The following RIMS2 variants were observed in gnomAD, a reference collection of about 807,000 sequenced individuals.
RIMS2 encodes regulating synaptic membrane exocytosis 2.
A neutral mutation model predicts 174.4 loss-of-function variants in RIMS2; 59 were observed. The observed-to-expected ratio is 0.34, with a 90% CI of 0.27 to 0.42. The LOEUF (loss-of-function observed/expected upper bound fraction) is 0.42. RIMS2 is among the 10% of genes least tolerant of loss of function. RIMS2 has a pLI of 1.00. For missense variants in RIMS2, 1,620 were observed against 1,666.3 expected (o/e 0.97, Z 0.48); for synonymous variants, 606 against 572.5 (o/e 1.06, Z -0.84).
chr8:103,823,394 C>G (rs1402290994), intron 3 of RIMS2, among the ~76,000 whole-genome samples: 1 of 151,688 alleles, frequency 6.6e-6, no homozygotes, highest in Non-Finnish European at 1.5e-5. Flanking sequence ...CAGTTTATGC[C>G]TGCAGTCATC....
At chr8:103,633,930 AG>A (rs1294113633) in intron 1 of RIMS2, among the ~76,000 whole-genome samples, 1 of 151,988 alleles carries the variant, frequency 6.6e-6, no homozygotes, top group Non-Finnish European at 1.5e-5. Context: ...TTTCTTTATT[AG>A]TCTAGTTAGT....
rs539674279 is a variant in RIMS2 at position 103,601,458 on chromosome 8, C to A, written c.177-95628C>A. On this transcript the variant is annotated intron_variant, in intron 1 of 23. Transcript: ENST00000504942. ...CTTCTTACAGTTTTTATCTTGAAAT[C>A]TATTTTGTCTGATATAAATATAGTG... Among the ~76,000 whole-genome samples, 6 of 151,768 alleles carry A rather than the reference C, an allele frequency of 4.0e-5. No homozygotes were observed. The South Asian group carries it at 1.0e-3, about 26-fold the overall frequency.
intron 1 of RIMS2, among the ~76,000 whole-genome samples, chr8:103,617,121 C>T (rs568208064): frequency 6.6e-6 from 1 of 152,292 alleles, no homozygotes; most frequent in East Asian, 1.9e-4. Flanking sequence ...TCAAACCATA[C>T]TACAAGGCTA....
At chr8:104,087,143 A>C (rs565665551) in intron 19 of RIMS2, among the ~76,000 whole-genome samples, 1 of 152,302 alleles carries the variant, frequency 6.6e-6, no homozygotes, top group South Asian at 2.1e-4. Flanking sequence ...TATCTTGTAC[A>C]CTGATTTGAT....
At chr8:103,640,369 G>A (rs1391224579) in intron 1 of RIMS2, among the ~76,000 whole-genome samples, 2 of 151,440 alleles carry the variant, frequency 1.3e-5, no homozygotes, top group Admixed American at 6.6e-5. Context: ...ATTGATGCCC[G>A]GTTTTCAAGT....
chr8:104,091,205 G>A (rs1388124862), intron 19 of RIMS2, among the ~76,000 whole-genome samples: 1 of 151,696 alleles, frequency 6.6e-6, no homozygotes, highest in African/African-American at 2.4e-5. Context: ...CAGAGCATTG[G>A]CTCTTAATGA....
At chr8:104,231,785 A>G (rs1234159517) in intron 19 of RIMS2, among the ~76,000 whole-genome samples, 1 of 152,218 alleles carries the variant, frequency 6.6e-6, no homozygotes, top group Non-Finnish European at 1.5e-5. Flanking sequence ...TGAACCTCTA[A>G]ATATGTGCTA....
intron 14 of RIMS2, among the ~76,000 whole-genome samples, chr8:103,948,009 G>C (rs2084256903): frequency 1.3e-5 from 2 of 152,098 alleles, no homozygotes; most frequent in African/African-American, 4.8e-5. Flanking sequence ...TAAGATAATA[G>C]TGCTGTCAAA....
At chr8:103,954,359 A>G (rs981083188) in intron 14 of RIMS2, among the ~76,000 whole-genome samples, 19 of 152,244 alleles carry the variant, frequency 1.2e-4, no homozygotes, top group Admixed American at 3.3e-4. Flanking sequence ...GAAGTAAAAC[A>G]CTCCTCAGCA....
At chr8:104,044,784 A>T (rs1280990618) in intron 19 of RIMS2, among the ~76,000 whole-genome samples, 2 of 151,708 alleles carry the variant, frequency 1.3e-5, no homozygotes, top group Non-Finnish European at 3.0e-5. Flanking sequence ...ACTGTAAGGG[A>T]GACATGGTCT....
chr8:104,210,189 T>TGAA (rs1450058857), intron 19 of RIMS2, among the ~76,000 whole-genome samples: 1 of 152,048 alleles, frequency 6.6e-6, no homozygotes, highest in African/African-American at 2.4e-5. Flanking sequence ...GAAAGTAAAA[T>TGAA]GAAGTCTTTT....
intron 4 of RIMS2, among the ~76,000 whole-genome samples, chr8:103,888,074 G>C (rs184069939): frequency 3.3e-5 from 5 of 151,548 alleles, no homozygotes; most frequent in Admixed American, 6.6e-5. Flanking sequence ...CACTTGACCA[G>C]ATAGTATAAA....
rs368995689 is a variant in RIMS2 at position 104,071,502 on chromosome 8, T to C, written c.3334+56887T>C. 3.5e-4 allele frequency among the ~76,000 whole-genome samples: 54 copies of C among 152,250 alleles called. No individual in the cohort carries two copies. The East Asian group carries it at 9.1e-3, about 26-fold the overall frequency. On this transcript the variant is annotated intron_variant, in intron 19 of 23. Coordinates refer to ENST00000504942, the Ensembl canonical transcript of RIMS2. The stretch of plus-strand genomic sequence containing the variant: ...CAGGCTGGAGTGCAGTGGCACCATA[T>C]CAGCTCACTGCAACCTCCGCCTCCT...
chr8:104,033,598 A>C (rs2096446981), intron 19 of RIMS2, among the ~76,000 whole-genome samples: 1 of 151,966 alleles, frequency 6.6e-6, no homozygotes, highest in Non-Finnish European at 1.5e-5. Flanking sequence ...TCTTAATGTC[A>C]TAGTTGAAAA....
chr8:103,511,993 A>G (rs1405478111), intron 1 of RIMS2, among the ~76,000 whole-genome samples: 2 of 152,098 alleles, frequency 1.3e-5, no homozygotes, highest in African/African-American at 4.8e-5. Context: ...ATCTGTGGGA[A>G]CGTTGGTGGG....
chr8:103,715,824 CAA>C (rs2097361605), intron 2 of RIMS2, among the ~76,000 whole-genome samples: 1 of 152,102 alleles, frequency 6.6e-6, no homozygotes, highest in South Asian at 2.1e-4. Flanking sequence ...ACTTCAGAAA[CAA>C]TATGTGTAAT....
intron 1 of RIMS2, among the ~76,000 whole-genome samples, chr8:103,589,715 G>T (rs1261799164): frequency 1.3e-5 from 2 of 151,404 alleles, no homozygotes; most frequent in Admixed American, 1.3e-4. Context: ...TAAAGAAATT[G>T]TGATATATAT....
At chr8:104,008,747 A>G (rs2154553221) in intron 17 of RIMS2, among the ~76,000 whole-genome samples, 1 of 152,106 alleles carries the variant, frequency 6.6e-6, no homozygotes, top group East Asian at 1.9e-4. Flanking sequence ...TATATATTAT[A>G]CCATTTTCAC....
At chr8:103,542,497 G>A (rs1842987688) in intron 1 of RIMS2, among the ~76,000 whole-genome samples, 1 of 152,142 alleles carries the variant, frequency 6.6e-6, no homozygotes, top group African/African-American at 2.4e-5. Context: ...TATAAAGCTG[G>A]CATTATGCCA....
Sources: allele counts gnomAD v4.1 joint callset (sites outside exome capture counted in the v4.1 genomes callset), GRCh38; gene constraint gnomAD v4.1.1; transcripts MANE v1.5; gene names NCBI Gene and HGNC (gene_info 2026-07-23, HGNC 2026-07-21).